Variants in SUGCT observed in about 807,000 individuals in gnomAD.
SUGCT encodes succinyl-CoA:glutarate-CoA transferase, also known as succinyl-CoA:glutarate CoA-transferase.
A neutral mutation model predicts 55.0 loss-of-function variants in SUGCT; 41 were observed. The observed-to-expected ratio is 0.74, with a 90% CI of 0.58 to 0.97. SUGCT has a LOEUF of 0.97. Among genes scored for constraint, SUGCT ranks in the 50% least tolerant of loss-of-function variants. The probability of loss-of-function intolerance (pLI) is 0.00; values close to 1 mark genes in which losing one functional copy is unlikely to be tolerated. For synonymous variants in SUGCT, 187 were observed against 200.4 expected (o/e 0.93, Z 0.56); for missense variants, 568 against 547.8 (o/e 1.04, Z -0.37).
chr7:40,376,949 C>T (rs1022795009), intron 9 of SUGCT, among the ~76,000 whole-genome samples: 8 of 151,186 alleles, frequency 5.3e-5, no homozygotes, highest in African/African-American at 1.9e-4. Flanking sequence ...TATATTTTTT[C>T]CCCCAGCGTG....
chr7:40,246,031 C>T (rs561123895), intron 7 of SUGCT, among the ~76,000 whole-genome samples: 1 of 151,760 alleles, frequency 6.6e-6, no homozygotes, highest in Non-Finnish European at 1.5e-5. Context: ...GATGGGGTCT[C>T]TCCATGATGC....
chr7:40,209,613 A>G (rs988026977), intron 6 of SUGCT, among the ~76,000 whole-genome samples: 3 of 152,222 alleles, frequency 2.0e-5, no homozygotes, highest in African/African-American at 4.8e-5. Flanking sequence ...CCTGACCAAC[A>G]TGGTGAAAAC....
chr7:40,338,809 A>G (rs1796870633), intron 9 of SUGCT, among the ~76,000 whole-genome samples: 1 of 152,164 alleles, frequency 6.6e-6, no homozygotes, highest in Admixed American at 6.5e-5. Flanking sequence ...ATTCCTTTGT[A>G]GGGGAGGGGT....
At chr7:40,146,206 G>A (rs139852627) in intron 1 of SUGCT, among the ~76,000 whole-genome samples, 262 of 151,968 alleles carry the variant, frequency 1.7e-3, no homozygotes, top group Middle Eastern at 6.8e-3. Flanking sequence ...AGCAGTTGCC[G>A]CTACAGATTG....
intron 9 of SUGCT, among the ~76,000 whole-genome samples, chr7:40,390,262 A>G (rs1414300234): frequency 6.6e-6 from 1 of 152,180 alleles, no homozygotes; most frequent in Non-Finnish European, 1.5e-5. Context: ...CCTATTCAAC[A>G]TGGTGTTGGA....
At chr7:40,700,904 A>G (rs1213430710) in intron 12 of SUGCT, among the ~76,000 whole-genome samples, 1 of 152,186 alleles carries the variant, frequency 6.6e-6, no homozygotes, top group Admixed American at 6.5e-5. Flanking sequence ...GCCACCGCAG[A>G]ACCAAAACCA....
intron 12 of SUGCT, among the ~76,000 whole-genome samples, chr7:40,728,855 T>C (rs1030504442): frequency 3.3e-5 from 5 of 152,170 alleles, no homozygotes; most frequent in Admixed American, 3.3e-4. Flanking sequence ...ACAATAACCA[T>C]AACGGTAATT....
chr7:40,815,225 C>T (rs1402379506), intron 13 of SUGCT, among the ~76,000 whole-genome samples: 2 of 152,238 alleles, frequency 1.3e-5, no homozygotes, highest in Non-Finnish European at 2.9e-5. Context: ...GGTCCTCCTC[C>T]AGGGGCCCCG....
intron 12 of SUGCT, among the ~76,000 whole-genome samples, chr7:40,625,480 C>T (rs1481553353): frequency 6.6e-6 from 1 of 152,112 alleles, no homozygotes; most frequent in Admixed American, 6.5e-5. Flanking sequence ...CTCACCTCCT[C>T]TTCCTCCTCT....
intron 12 of SUGCT, among the ~76,000 whole-genome samples, chr7:40,681,983 A>G (rs1784266904): frequency 6.6e-6 from 1 of 152,088 alleles, no homozygotes; most frequent in Admixed American, 6.5e-5. Context: ...GGTGCATGTG[A>G]AGATATCTTG....
intron 10 of SUGCT, among the ~76,000 whole-genome samples, chr7:40,458,618 A>G (rs1789614991): frequency 6.6e-6 from 1 of 152,220 alleles, no homozygotes. Flanking sequence ...TGGGAAGATC[A>G]CAGTATTTTA....
At chr7:40,218,055 A>G (rs1015313565) in intron 6 of SUGCT, among the ~76,000 whole-genome samples, 4 of 152,114 alleles carry the variant, frequency 2.6e-5, no homozygotes, top group Non-Finnish European at 5.9e-5. Context: ...CTCTACTAAA[A>G]ATACAAAAAT....
At chr7:40,295,252 GGTAA>G (rs1397089290) in intron 8 of SUGCT, among the ~76,000 whole-genome samples, 1 of 151,790 alleles carries the variant, frequency 6.6e-6, no homozygotes, top group African/African-American at 2.4e-5. Context: ...TGAAAAGTTT[GGTAA>G]GTGTTTTAGA....
At chr7:40,864,730 AAG>A (rs144712329), downstream of SUGCT, among the ~76,000 whole-genome samples, 10,069 of 152,094 alleles carry the variant, frequency 0.066, 1,104 homozygotes, top group African/African-American at 0.23. Flanking sequence ...GGGAAAGGGA[AAG>A]AGAGAGCACA....
At chr7:40,898,276 G>T in the SUGCT span, among the ~76,000 whole-genome samples, 1 of 152,110 alleles carries the variant, frequency 6.6e-6, no homozygotes, top group Non-Finnish European at 1.5e-5. Flanking sequence ...AAACCCACCA[G>T]AAGGAACAAA....
At chr7:40,894,247 G>GA in the SUGCT span, among the ~76,000 whole-genome samples, 2 of 152,000 alleles carry the variant, frequency 1.3e-5, no homozygotes, top group Admixed American at 6.6e-5. Context: ...TCCCTATTCA[G>GA]AAAAAAATGG....
At chr7:40,384,797 G>T (rs1785032791) in intron 9 of SUGCT, among the ~76,000 whole-genome samples, 1 of 151,756 alleles carries the variant, frequency 6.6e-6, no homozygotes, top group African/African-American at 2.4e-5. Context: ...CGCGTGCCTT[G>T]GCCTCCCAAA....
chr7:40,799,953 A>T (rs778149778), intron 13 of SUGCT, among the ~76,000 whole-genome samples: 2 of 152,164 alleles, frequency 1.3e-5, no homozygotes, highest in Non-Finnish European at 2.9e-5. Flanking sequence ...TTTATTCAGA[A>T]TCTTTTTGTA....
intron 1 of SUGCT, chr7:40,153,209 G>C (rs922782919): frequency 8.1e-6 from 3 of 371,082 alleles, no homozygotes; most frequent in Non-Finnish European, 1.6e-5. Flanking sequence ...AAAGGAGATA[G>C]CAACATTAGT....
Sources: gnomAD v4.1 joint callset for allele counts (sites outside exome capture counted in the v4.1 genomes callset) on GRCh38, gnomAD v4.1.1 for gene constraint, MANE v1.5 for transcripts, NCBI Gene and HGNC (gene_info 2026-07-23, HGNC 2026-07-21) for gene names.